Variants in NDC80 observed in about 807,000 individuals in gnomAD.
The protein encoded by NDC80 is kinetochore protein NDC80 homolog.
NDC80 carries 69 observed loss-of-function variants against 89.3 expected under a neutral mutation model. The ratio of observed to expected loss-of-function variants is 0.77; its 90% CI spans 0.64 to 0.94. The LOEUF (loss-of-function observed/expected upper bound fraction) is 0.94. Among genes scored for constraint, NDC80 ranks in the 40% least tolerant of loss-of-function variants. The pLI is 0.00. For missense variants in NDC80, 593 were observed against 739.6 expected (o/e 0.80, Z 2.30); for synonymous variants, 243 against 255.6 (o/e 0.95, Z 0.47).
At chr18:2,589,138 A>G (rs961909900) in intron 8 of NDC80, 66 bp from the exon 9 acceptor site, 2 of 1,048,878 alleles carry the variant, frequency 1.9e-6, no homozygotes, top group Non-Finnish European at 1.5e-6. Flanking sequence ...AGTAATGGTG[A>G]AAACTTGGGA....
chr18:2,605,970 T>C (rs997829694), intron 13 of NDC80, among the ~76,000 whole-genome samples: 2 of 152,126 alleles, frequency 1.3e-5, no homozygotes, highest in Non-Finnish European at 2.9e-5. Flanking sequence ...TGCATGACTA[T>C]AATAGCAAAC....
rs78848146 is a variant in NDC80, at chr18:2,599,178, A to G, written c.1374+7A>G. The G allele has an allele frequency of 0.011, 17,625 of 1,591,560 alleles. 1,624 individuals are homozygous for G. The African/African-American group carries it at 0.2, about 18-fold the overall frequency. On this transcript the variant is annotated splice_region_variant and intron_variant, in intron 12 of 16. Coordinates refer to ENST00000261597, the MANE Select transcript of NDC80 (RefSeq NM_006101.3). ...ATACAGGGCTCAAGTTTATGTAAGT[A>G]ATCATGACTACTTTTAAGATTTTTT...
chr18:2,593,346 A>G (rs2072637714), intron 10 of NDC80, among the ~76,000 whole-genome samples: 1 of 152,168 alleles, frequency 6.6e-6, no homozygotes, highest in Non-Finnish European at 1.5e-5. Flanking sequence ...CATAGTATAA[A>G]TTATATTCTT....
chr18:2,580,220 C>T (rs1220372013), intron 6 of NDC80, among the ~76,000 whole-genome samples: 1 of 151,708 alleles, frequency 6.6e-6, no homozygotes, highest in East Asian at 1.9e-4. Flanking sequence ...ATAATATCTA[C>T]TCTTCTGATT....
chr18:2,584,671 C>T (rs957495406), intron 6 of NDC80, among the ~76,000 whole-genome samples: 2 of 151,952 alleles, frequency 1.3e-5, no homozygotes, highest in South Asian at 2.1e-4. Flanking sequence ...AGGAGTTACT[C>T]GATTAACATT....
chr18:2,591,928 G>A (rs909005485), intron 10 of NDC80, among the ~76,000 whole-genome samples: 2 of 151,790 alleles, frequency 1.3e-5, no homozygotes, highest in African/African-American at 2.4e-5. Context: ...CTACTTTTTT[G>A]TATTTTTAGT....
intron 11 of NDC80, among the ~76,000 whole-genome samples, chr18:2,598,757 T>G (rs1018278880): frequency 1.3e-5 from 2 of 152,164 alleles, no homozygotes; most frequent in African/African-American, 4.8e-5. Context: ...GGACTCTTAT[T>G]CCAAGCTGTC....
intron 16 of NDC80, among the ~76,000 whole-genome samples, chr18:2,613,351 C>T (rs1826035012): frequency 6.6e-6 from 1 of 151,998 alleles, no homozygotes; most frequent in Non-Finnish European, 1.5e-5. Context: ...ACAAAATCAC[C>T]TTTTTTTTCT....
chr18:2,606,186 C>T (rs2072710676), intron 13 of NDC80, among the ~76,000 whole-genome samples: 1 of 151,586 alleles, frequency 6.6e-6, no homozygotes, highest in South Asian at 2.1e-4. Context: ...ACTCCCACAA[C>T]AACTAGTGGA....
chr18:2,588,977 C>G (rs2072614417), intron 8 of NDC80, among the ~76,000 whole-genome samples: 1 of 151,922 alleles, frequency 6.6e-6, no homozygotes, highest in South Asian at 2.1e-4. Context: ...AACTTTAAGT[C>G]AAATGGTGAT....
chr18:2,577,473 C>T, intron 3 of NDC80: 1 of 275,488 alleles, frequency 3.6e-6, no homozygotes, highest in East Asian at 8.3e-5. Context: ...CTCAGCCTCC[C>T]AAAGTGCTGG....
intron 7 of NDC80, among the ~76,000 whole-genome samples, chr18:2,587,476 A>G (rs1052637885): frequency 2.6e-5 from 4 of 152,224 alleles, no homozygotes; most frequent in African/African-American, 4.8e-5. Context: ...CAGGTGCTTT[A>G]TTCCTAAAGA....
chr18:2,596,085 G>A (rs536042068), intron 11 of NDC80, among the ~76,000 whole-genome samples: 3 of 152,146 alleles, frequency 2.0e-5, no homozygotes, highest in Non-Finnish European at 2.9e-5. Context: ...TAAATGTTTG[G>A]TGTACAGGGT....
At chr18:2,597,372 T>G (rs1207009168) in intron 11 of NDC80, among the ~76,000 whole-genome samples, 1 of 152,160 alleles carries the variant, frequency 6.6e-6, no homozygotes, top group Admixed American at 6.5e-5. Flanking sequence ...AAAGATCTTA[T>G]TTCTGATAAG....
intron 14 of NDC80, 53 bp downstream of exon 14, chr18:2,606,560 C>A: frequency 1.8e-6 from 2 of 1,131,192 alleles, no homozygotes; most frequent in Non-Finnish European, 2.6e-6. Context: ...GTCATGATTG[C>A]TTGATGAGTC....
At chr18:2,613,021 A>G (rs1287679041) in intron 16 of NDC80, among the ~76,000 whole-genome samples, 5 of 152,240 alleles carry the variant, frequency 3.3e-5, no homozygotes, top group African/African-American at 7.2e-5. Flanking sequence ...GTACTTTTAG[A>G]TGGAATATTT....
intron 15 of NDC80, among the ~76,000 whole-genome samples, chr18:2,610,063 A>G (rs910752715): frequency 4.6e-5 from 7 of 152,176 alleles, no homozygotes; most frequent in Non-Finnish European, 8.8e-5. Flanking sequence ...TTTAAAACTT[A>G]CATAGGAAAA....
At chr18:2,599,988 A>G (rs2072676378) in intron 12 of NDC80, among the ~76,000 whole-genome samples, 1 of 152,246 alleles carries the variant, frequency 6.6e-6, no homozygotes, top group Admixed American at 6.5e-5. Flanking sequence ...GAGTGGACAG[A>G]CATTGATTAA....
At chr18:2,580,653 A>C (rs2072572193) in intron 6 of NDC80, among the ~76,000 whole-genome samples, 1 of 150,372 alleles carries the variant, frequency 6.7e-6, no homozygotes, top group South Asian at 2.1e-4. Context: ...TTTATATATA[A>C]CATTTATGCA....
Sources: gnomAD v4.1 joint callset for allele counts (sites outside exome capture counted in the v4.1 genomes callset) on GRCh38, gnomAD v4.1.1 for gene constraint, MANE v1.5 for transcripts, NCBI Gene and HGNC (gene_info 2026-07-23, HGNC 2026-07-21) for gene names.